The following DLGAP2 variants were observed in gnomAD, a reference collection of about 807,000 sequenced individuals.
DLGAP2 encodes the protein disks large-associated protein 2.
In DLGAP2, 26 loss-of-function variants were observed where a neutral mutation model predicts 100.3. The observed-to-expected ratio is 0.26, with a 90% confidence interval of 0.19 to 0.36. The LOEUF is 0.36. Ranked by LOEUF, DLGAP2 falls within the 10% of genes least tolerant of loss-of-function variation. The pLI, the probability that DLGAP2 is intolerant of heterozygous loss-of-function variation, is 1.00. For synonymous variants in DLGAP2, 886 were observed against 630.1 expected, an observed-to-expected ratio of 1.41 and a Z score of -6.08; for missense variants, 1,858 against 1,453.2, an observed-to-expected ratio of 1.28 and a Z score of -4.53.
chr8:1,347,211 C>T (rs899077482), intron 3 of DLGAP2, among the ~76,000 whole-genome samples: 1 of 151,270 alleles, frequency 6.6e-6, no homozygotes, highest in Non-Finnish European at 1.5e-5. Flanking sequence ...AGGTAGAGTT[C>T]CTACACAGAG....
rs368334629 is a variant in DLGAP2, at chr8:1,385,284, C to G, written c.107-116082C>G. On this transcript the variant is annotated intron_variant, in intron 3 of 14. Coordinates refer to ENST00000637795, the MANE Select transcript of DLGAP2 (RefSeq NM_001346810.2). ...GTGCCCGTCCCCTGAGAACTTGGTG[C>G]ACAGTTACCCGGCCTGTGCCCGTCC... Among the ~76,000 whole-genome samples the G allele has an allele frequency of 1.1e-4, 6 of 52,890 alleles. 1 individual carries two copies. Among genetic ancestry groups the G allele is most frequent in the Non-Finnish European group, 2.0e-4 (5 of 25,416 alleles). The allele number at this position is 52,890 out of a possible 152,430, so 34.7% of individuals were successfully genotyped here.
In DLGAP2 at chr8:986,168, G is replaced by C. The variant is rs76778919; in HGVS notation, c.73+78202G>C. ...TCACTTATTAGTAGGGAGTGTGACT[G>C]GTTGGGAAGAGGCTTCCGGAAGCTC... On this transcript the variant is annotated intron_variant, in intron 2 of 14. Coordinates refer to ENST00000637795, the MANE Select transcript of DLGAP2 (RefSeq NM_001346810.2). Among the ~76,000 whole-genome samples the C allele has an allele frequency of 6.1e-3, 930 of 152,226 alleles. 26 individuals carry two copies. Among genetic ancestry groups the C allele is most frequent in the East Asian group, 0.049 (254 of 5,156 alleles).
At chr8:779,205 A>C (rs1315663387) in intron 1 of DLGAP2, among the ~76,000 whole-genome samples, 1 of 152,138 alleles carries the variant, frequency 6.6e-6, no homozygotes, top group Non-Finnish European at 1.5e-5. Flanking sequence ...CGGCTCGCGC[A>C]TGGTGCGCGC....
At chr8:1,386,661 G>A (rs1010681636) in intron 3 of DLGAP2, among the ~76,000 whole-genome samples, 3 of 152,124 alleles carry the variant, frequency 2.0e-5, no homozygotes, top group African/African-American at 7.2e-5. Context: ...GAAGAAACCT[G>A]GACAGAGGAA....
At chr8:800,610 G>A (rs1453682924) in intron 1 of DLGAP2, among the ~76,000 whole-genome samples, 1 of 152,204 alleles carries the variant, frequency 6.6e-6, no homozygotes, top group Non-Finnish European at 1.5e-5. Context: ...GCATGTGTGT[G>A]TGTACATGTA....
At chr8:1,018,811 G>C (rs1216824456) in intron 2 of DLGAP2, 1 of 152,092 alleles carries the variant, frequency 6.6e-6, no homozygotes, top group African/African-American at 2.4e-5. Flanking sequence ...TTATCTTCTT[G>C]TCTGTTAAAA....
intron 1 of DLGAP2, among the ~76,000 whole-genome samples, chr8:756,675 C>T (rs973062734): frequency 4.6e-5 from 7 of 152,068 alleles, no homozygotes; most frequent in East Asian, 1.9e-4. Flanking sequence ...TTCATAGATG[C>T]GGAAACTGAG....
intron 2 of DLGAP2, among the ~76,000 whole-genome samples, chr8:984,201 A>G (rs1225455085): frequency 6.6e-6 from 1 of 152,176 alleles, no homozygotes; most frequent in East Asian, 1.9e-4. Context: ...ATTCTAGCCC[A>G]GTTTTGCCGA....
chr8:1,696,079 A>G (rs539938198), intron 13 of DLGAP2, among the ~76,000 whole-genome samples: 1 of 152,370 alleles, frequency 6.6e-6, no homozygotes. Flanking sequence ...TTCACTGAGC[A>G]TGCTGAGTGT....
rs190076180 is a variant in DLGAP2 at position 1,326,833 on chromosome 8, C to G, written c.106+67950C>G. Among the ~76,000 whole-genome samples, 34 of 152,324 alleles carry G rather than the reference C, an allele frequency of 2.2e-4. 1 individual carries two copies. In the East Asian group the frequency reaches 2.3e-3, roughly 10 times the overall value. ...TCTGATTTATCCCATTTTCACAGTA[C>G]CTTCCTCCCTTTGGTGTTGTAGTAT... is the stretch of plus-strand genomic sequence containing the variant. On this transcript the variant is annotated intron_variant, in intron 3 of 14. Transcript: ENST00000637795.
chr8:1,334,350 C>T (rs999476619), intron 3 of DLGAP2, among the ~76,000 whole-genome samples: 1 of 152,316 alleles, frequency 6.6e-6, no homozygotes, highest in Non-Finnish European at 1.5e-5. Context: ...GGCCCTCATC[C>T]ACCTGTCACC....
intron 1 of DLGAP2, among the ~76,000 whole-genome samples, chr8:855,279 C>T (rs1005980892): frequency 6.6e-6 from 1 of 152,160 alleles, no homozygotes; most frequent in East Asian, 1.9e-4. Context: ...CCCATGGGCA[C>T]TTTCAGCATG....
chr8:1,228,107 C>T (rs549439583), intron 2 of DLGAP2, among the ~76,000 whole-genome samples: 206 of 152,108 alleles, frequency 1.4e-3, no homozygotes, highest in African/African-American at 4.8e-3. Context: ...AGGGATAGCA[C>T]TAGGAGATAT....
chr8:1,653,846 AT>A (rs1487234349), intron 8 of DLGAP2, among the ~76,000 whole-genome samples: 1 of 152,170 alleles, frequency 6.6e-6, no homozygotes, highest in Non-Finnish European at 1.5e-5. Context: ...CGTTGACATG[AT>A]TTAGGATATA....
chr8:792,859 A>T lies in DLGAP2; in HGVS notation c.18+55034A>T, dbSNP rs2132642043. Among the ~76,000 whole-genome samples the T allele has an allele frequency of 2.0e-5, 3 of 152,232 alleles. No homozygotes were observed. In the South Asian group the frequency reaches 6.2e-4, roughly 32 times the overall value. On this transcript the variant is annotated intron_variant, in intron 1 of 14. Transcript: ENST00000637795. ...TGTTGGATTCTACTTGCTTCTATTT[A>T]TTGAAAGTTTTCTCATTTTTGTTTA...
At chr8:779,265 G>A (rs530982981) in intron 1 of DLGAP2, among the ~76,000 whole-genome samples, 1 of 152,280 alleles carries the variant, frequency 6.6e-6, no homozygotes, top group East Asian at 1.9e-4. Context: ...AGATGAACCT[G>A]GTACCTCAGA....
intron 2 of DLGAP2, among the ~76,000 whole-genome samples, chr8:1,149,309 C>G (rs1256202724): frequency 2.0e-5 from 3 of 152,138 alleles, no homozygotes; most frequent in South Asian, 4.2e-4. Context: ...CCGCACCCGG[C>G]TAATTTTTTT....
At chr8:769,248 G>T (rs1821294975) in intron 1 of DLGAP2, among the ~76,000 whole-genome samples, 1 of 152,078 alleles carries the variant, frequency 6.6e-6, no homozygotes, top group Admixed American at 6.6e-5. Flanking sequence ...AAGGCACATG[G>T]AGTGCTTGCA....
At chr8:1,443,687 G>C (rs184194016) in intron 3 of DLGAP2, among the ~76,000 whole-genome samples, 1 of 152,180 alleles carries the variant, frequency 6.6e-6, no homozygotes, top group African/African-American at 2.4e-5. Flanking sequence ...TTGTGCAGGG[G>C]AACTGCCCTT....
Sources: gnomAD v4.1 joint callset for allele counts (sites outside exome capture counted in the v4.1 genomes callset) on GRCh38, gnomAD v4.1.1 for gene constraint, MANE v1.5 for transcripts, NCBI Gene and HGNC (gene_info 2026-07-23, HGNC 2026-07-21) for gene names.